BMAL2: variants seen among roughly 807,000 people sequenced by gnomAD.
The protein encoded by BMAL2 is basic helix-loop-helix ARNT-like protein 2.
the BMAL2 span, among the ~76,000 whole-genome samples, chr12:27,343,804 A>G: frequency 2.0e-5 from 3 of 152,154 alleles, no homozygotes; most frequent in East Asian, 5.8e-4. Context: ...CTTTTCTGGA[A>G]TGGTCATAGT....
At chr12:27,404,020 G>A in the BMAL2 span, among the ~76,000 whole-genome samples, 1 of 151,554 alleles carries the variant, frequency 6.6e-6, no homozygotes, top group Non-Finnish European at 1.5e-5. Flanking sequence ...AAATTAGCTG[G>A]ATGTGGTGGT....
chr12:27,347,356 A>G, the BMAL2 span, among the ~76,000 whole-genome samples: 4 of 152,198 alleles, frequency 2.6e-5, no homozygotes, highest in African/African-American at 9.6e-5. Context: ...TCATTTGCCC[A>G]TACCACCAGA....
the BMAL2 span, among the ~76,000 whole-genome samples, chr12:27,374,900 C>A: frequency 3.7e-4 from 57 of 152,098 alleles, no homozygotes; most frequent in Non-Finnish European, 6.9e-4. Context: ...TGATAAAGTA[C>A]CATAAATATA....
chr12:27,413,025 A>G, the BMAL2 span, among the ~76,000 whole-genome samples: 1 of 152,004 alleles, frequency 6.6e-6, no homozygotes, highest in Non-Finnish European at 1.5e-5. Context: ...CCAAACAAGA[A>G]TACTACATGT....
chr12:27,387,576 G>A, the BMAL2 span, among the ~76,000 whole-genome samples: 1 of 152,106 alleles, frequency 6.6e-6, no homozygotes, highest in Non-Finnish European at 1.5e-5. Flanking sequence ...AAGTCAAAAT[G>A]ATTATACCTG....
At chr12:27,360,453 T>C in the BMAL2 span, among the ~76,000 whole-genome samples, 4 of 152,164 alleles carry the variant, frequency 2.6e-5, no homozygotes, top group African/African-American at 7.2e-5. Flanking sequence ...GGGTTAAGAA[T>C]GACATTATCA....
At chr12:27,410,601 AG>A in the BMAL2 span, among the ~76,000 whole-genome samples, 4 of 152,212 alleles carry the variant, frequency 2.6e-5, no homozygotes, top group Admixed American at 2.6e-4. Flanking sequence ...GTTGTGGGGT[AG>A]GGGAAGAGGG....
chr12:27,370,475 A>G, the BMAL2 span, among the ~76,000 whole-genome samples: 2 of 152,214 alleles, frequency 1.3e-5, no homozygotes, highest in African/African-American at 4.8e-5. Context: ...AAGCCAGTCA[A>G]TAGGTGAGAG....
the BMAL2 span, among the ~76,000 whole-genome samples, chr12:27,379,012 C>A: frequency 6.6e-6 from 1 of 151,734 alleles, no homozygotes; most frequent in Non-Finnish European, 1.5e-5. Context: ...AATACACTAA[C>A]ACTAATGATA....
the BMAL2 span, among the ~76,000 whole-genome samples, chr12:27,408,508 A>G: frequency 6.6e-6 from 1 of 152,238 alleles, no homozygotes; most frequent in Non-Finnish European, 1.5e-5. Flanking sequence ...GATTAACTCA[A>G]TAGATGCAGA....
chr12:27,412,040 T>TA, the BMAL2 span, among the ~76,000 whole-genome samples: 1 of 152,152 alleles, frequency 6.6e-6, no homozygotes, highest in Non-Finnish European at 1.5e-5. Context: ...TGGGGTAAGG[T>TA]AAGAGTCCAG....
chr12:27,348,207 T>G, the BMAL2 span, among the ~76,000 whole-genome samples: 191 of 152,376 alleles, frequency 1.3e-3, no homozygotes, highest in Middle Eastern at 3.4e-3. Flanking sequence ...TAACTCTGCC[T>G]TGGGCTCTCA....
the BMAL2 span, among the ~76,000 whole-genome samples, chr12:27,419,044 A>G: frequency 6.6e-6 from 1 of 152,166 alleles, no homozygotes; most frequent in South Asian, 2.1e-4. Flanking sequence ...GGAATCAGCT[A>G]TGAGTATTGG....
At chr12:27,371,697 T>C in the BMAL2 span, among the ~76,000 whole-genome samples, 1 of 145,144 alleles carries the variant, frequency 6.9e-6, no homozygotes, top group East Asian at 2.1e-4. Context: ...TTTTCACTTT[T>C]TTATTATGGT....
At chr12:27,412,993 C>T in the BMAL2 span, among the ~76,000 whole-genome samples, 1 of 150,392 alleles carries the variant, frequency 6.6e-6, no homozygotes, top group Non-Finnish European at 1.5e-5. Flanking sequence ...ATTCAAAGTG[C>T]TGCAAGGAAA....
chr12:27,368,020 T>C, the BMAL2 span, among the ~76,000 whole-genome samples: 2 of 151,786 alleles, frequency 1.3e-5, no homozygotes, highest in East Asian at 3.9e-4. Flanking sequence ...ATTTCTGTAC[T>C]TTAATAGAGA....
chr12:27,343,370 A>G, the BMAL2 span, among the ~76,000 whole-genome samples: 6 of 152,314 alleles, frequency 3.9e-5, no homozygotes, highest in African/African-American at 1.4e-4. Flanking sequence ...TTTTTTCCCC[A>G]AAGTTAAACG....
chr12:27,361,091 G>A, the BMAL2 span, among the ~76,000 whole-genome samples: 27 of 152,218 alleles, frequency 1.8e-4, no homozygotes, highest in Non-Finnish European at 2.9e-4. Context: ...CCATTTTGCC[G>A]TGGCTTCTGT....
the BMAL2 span, chr12:27,387,389 T>C: frequency 9.1e-7 from 1 of 1,100,490 alleles, no homozygotes. Flanking sequence ...TTTTAAGCTC[T>C]TTTTCTGAAC....
Sources: gnomAD v4.1 joint callset for allele counts (sites outside exome capture counted in the v4.1 genomes callset) on GRCh38, gnomAD v4.1.1 for gene constraint, MANE v1.5 for transcripts, NCBI Gene and HGNC (gene_info 2026-07-23, HGNC 2026-07-21) for gene names.